Variants in VDAC2 observed in about 807,000 individuals in gnomAD.
VDAC2 encodes non-selective voltage-gated ion channel VDAC2.
A neutral mutation model predicts 36.6 loss-of-function variants in VDAC2; 6 were observed. The observed-to-expected ratio is 0.16, with a 90% confidence interval of 0.09 to 0.32. VDAC2 has a LOEUF of 0.32. Ranked by LOEUF, VDAC2 falls within the 10% of genes least tolerant of loss-of-function variation. VDAC2 has a pLI of 1.00. For synonymous variants in VDAC2, 109 were observed against 123.8 expected (o/e 0.88, Z 0.79); for missense variants, 247 against 346.0 (o/e 0.71, Z 2.27).
chr10:75,229,590 G>C (rs1173728581), intron 8 of VDAC2, 54 bp from the exon 9 acceptor site: 5 of 1,383,078 alleles, frequency 3.6e-6, no homozygotes, highest in African/African-American at 1.5e-5. Context: ...ACATGTAGGG[G>C]CTTTGTCTCT....
At chr10:75,223,040 G>A (rs1161204391) in intron 8 of VDAC2, among the ~76,000 whole-genome samples, 1 of 149,650 alleles carries the variant, frequency 6.7e-6, no homozygotes, top group East Asian at 2.0e-4. Flanking sequence ...GGGTGCAGTA[G>A]TGCGATCTTG....
intron 8 of VDAC2, among the ~76,000 whole-genome samples, chr10:75,224,519 G>A (rs565473025): frequency 7.4e-4 from 112 of 152,238 alleles, no homozygotes; most frequent in Non-Finnish European, 1.3e-3. Flanking sequence ...CCACAACTGT[G>A]CTGTGCTCAG....
intron 8 of VDAC2, among the ~76,000 whole-genome samples, chr10:75,226,451 GTTTTTTTTTT>G (rs147954706): frequency 3.0e-5 from 3 of 100,902 alleles, no homozygotes; most frequent in Non-Finnish European, 5.6e-5. Flanking sequence ...TCTTTTGTGG[GTTTTTTTTTT>G]TTTTTTTTTT....
chr10:75,224,299 A>C (rs1482646438), intron 8 of VDAC2, among the ~76,000 whole-genome samples: 2 of 152,230 alleles, frequency 1.3e-5, no homozygotes, highest in African/African-American at 4.8e-5. Flanking sequence ...ATGTGGTCAC[A>C]GAAGCATTCT....
intron 7 of VDAC2, among the ~76,000 whole-genome samples, chr10:75,221,660 G>T (rs1448091837): frequency 1.3e-5 from 2 of 152,074 alleles, no homozygotes; most frequent in African/African-American, 4.8e-5. Context: ...TTTTTGTAGA[G>T]ATGGGGTCTT....
At chr10:75,211,517 T>C in intron 2 of VDAC2, 1 of 1,543,730 alleles carries the variant, frequency 6.5e-7, no homozygotes. Flanking sequence ...GAAGTAGCAG[T>C]CCCTCTTGTG....
intron 6 of VDAC2, among the ~76,000 whole-genome samples, 161 bp downstream of exon 6, chr10:75,219,517 T>C (rs1186904843): frequency 6.6e-6 from 1 of 152,230 alleles, no homozygotes. Context: ...GAGTCTTTGC[T>C]GTGTCACCCA....
rs753526405 is a variant in VDAC2, at chr10:75,220,968, T to C, written c.582T>C (p.Asn194=). 1.2e-6 allele frequency: 2 copies of C among 1,611,916 alleles called. No homozygotes were observed. Among genetic ancestry groups the C allele is most frequent in the East Asian group, 2.2e-5 (1 of 44,830 alleles). The part of the protein sequence containing the change: ...YRTGDFQLHT[N]VNDGTEFGGS... ...CTGGGGACTTCCAGCTACACACTAATGTGTAAGTATTTCTTTCATAGGATA... is the reference window on the plus strand; with the variant it reads ...CTGGGGACTTCCAGCTACACACTAACGTGTAAGTATTTCTTTCATAGGATA... The change falls in exon 7 of 10, where the codon AAT becomes AAC. Residue 194 remains asparagine (N), a splice_region_variant and synonymous_variant. Coordinates refer to ENST00000332211, the MANE Select transcript of VDAC2 (RefSeq NM_001391963.1).
chr10:75,227,325 C>A (rs1217160115), intron 8 of VDAC2, among the ~76,000 whole-genome samples: 1 of 152,122 alleles, frequency 6.6e-6, no homozygotes, highest in African/African-American at 2.4e-5. Flanking sequence ...TTTCAGTTAG[C>A]ATTGAAAATG....
At chr10:75,213,072 G>A (rs1451916987) in intron 3 of VDAC2, among the ~76,000 whole-genome samples, 1 of 151,932 alleles carries the variant, frequency 6.6e-6, no homozygotes, top group Non-Finnish European at 1.5e-5. Flanking sequence ...ATTATGATAA[G>A]TTGGTTTTGT....
chr10:75,229,758 A>T (rs1007750708), intron 9 of VDAC2, 57 bp downstream of exon 9: 7 of 1,419,420 alleles, frequency 4.9e-6, no homozygotes, highest in Non-Finnish European at 6.7e-6. Context: ...TTTAGTTTTC[A>T]TTCTTCAGCT....
intron 8 of VDAC2, among the ~76,000 whole-genome samples, chr10:75,227,712 G>A (rs1352501540): frequency 1.4e-5 from 2 of 147,358 alleles, no homozygotes; most frequent in African/African-American, 5.0e-5. Context: ...TTAGCACCCC[G>A]AGTAGCTGGG....
At chr10:75,219,719 A>C (rs1841744458) in intron 6 of VDAC2, among the ~76,000 whole-genome samples, 1 of 150,378 alleles carries the variant, frequency 6.6e-6, no homozygotes, top group African/African-American at 2.4e-5. Context: ...TCCTGACCTC[A>C]GGTGATCTGC....
intron 8 of VDAC2, among the ~76,000 whole-genome samples, chr10:75,222,848 T>A (rs1455733965): frequency 6.6e-6 from 1 of 152,122 alleles, no homozygotes; most frequent in Non-Finnish European, 1.5e-5. Context: ...TGTTTTTTTG[T>A]AGAGATGGGA....
Position 75,210,937 on chromosome 10 carries a change from A to C in VDAC2, c.-27A>C. The C allele has an allele frequency of 2.3e-6, 1 of 444,118 alleles. No homozygotes were observed. Among genetic ancestry groups the C allele is most frequent in the Non-Finnish European group, 4.0e-6 (1 of 251,554 alleles). 27.5% of individuals were successfully genotyped at this position (444,118 alleles called of 1,614,324 possible). ...CGGCGGCCCCCCTCAGGACACCACC[A>C]GGTACCGCCGCGCCCGCCTCACGCC... On this transcript the variant is annotated splice_region_variant and 5_prime_UTR_variant, in exon 1 of 10. Transcript: ENST00000332211.
chr10:75,220,686 C>G, intron 6 of VDAC2, 57 bp from the exon 7 acceptor site: 2 of 1,466,470 alleles, frequency 1.4e-6, no homozygotes, highest in Non-Finnish European at 1.9e-6. Context: ...TTTGTGCTCT[C>G]TTGTGCAGAA....
Position 75,220,747 on chromosome 10 carries a change from A to G in VDAC2, c.361A>G (p.Lys121Glu), listed in dbSNP as rs1841788205. ...ATCAGTTTGTTCTTTTTCCAGAAAG[A>G]AAAGTGGTAAAATCAAGTCTTCTTA... is the stretch of plus-strand genomic sequence containing the variant. ...DTTFSPNTGK[K>E]SGKIKSSYKR... Residue 121 changes from lysine to glutamate, a missense_variant, in exon 7 of 10, where the codon AAA becomes GAA. Around this residue, in one of 3 missense-constraint regions of VDAC2, gnomAD observed 159 missense variants for 234.0 expected, o/e 0.68. Transcript: ENST00000332211. 1.2e-6 allele frequency: 2 copies of G among 1,608,132 alleles called. No homozygotes were observed. Among genetic ancestry groups the G allele is most frequent in the Non-Finnish European group, 1.7e-6 (2 of 1,176,290 alleles).
At chr10:75,212,378 A>T in intron 3 of VDAC2, 80 bp downstream of exon 3, 3 of 1,220,410 alleles carry the variant, frequency 2.5e-6, no homozygotes, top group Non-Finnish European at 3.5e-6. Context: ...CAGATCAATC[A>T]TTGCAAATTG....
chr10:75,229,637 A>G lies in VDAC2; in HGVS notation c.736-7A>G, dbSNP rs762189103. 1.3e-6 allele frequency: 2 copies of G among 1,597,980 alleles called. No homozygotes were observed. The highest frequency in any genetic ancestry group is 2.3e-5 in the East Asian group (1 of 44,332). Reference sequence around the variant, plus strand: ...TTTCTTACAGTTGTTTTTGTATTTTATTTTAGGCAAAAGTCAACAACTCTA... The same window carrying G: ...TTTCTTACAGTTGTTTTTGTATTTTGTTTTAGGCAAAAGTCAACAACTCTA... On this transcript the variant is annotated splice_polypyrimidine_tract_variant and splice_region_variant and intron_variant, in intron 8 of 9. Coordinates refer to ENST00000332211, the MANE Select transcript of VDAC2 (RefSeq NM_001391963.1).
Sources: gnomAD v4.1 joint callset for allele counts (sites outside exome capture counted in the v4.1 genomes callset) on GRCh38, gnomAD v4.1.1 for gene constraint, gnomAD v4.1.1 regional missense constraint, MANE v1.5 for transcripts, NCBI Gene and HGNC (gene_info 2026-07-23, HGNC 2026-07-21) for gene names.